Variants in IL6R observed in about 807,000 individuals in gnomAD.
The protein encoded by IL6R is interleukin-6 receptor subunit alpha.
IL6R carries 38 observed loss-of-function variants against 48.3 expected under a neutral mutation model. The observed-to-expected ratio is 0.79, with a 90% CI of 0.61 to 1.03. IL6R has a LOEUF of 1.03. Among genes scored for constraint, IL6R ranks in the 50% least tolerant of loss-of-function variants. The pLI is 0.00. For synonymous variants in IL6R, 264 were observed against 256.2 expected (o/e 1.03, Z -0.29); for missense variants, 534 against 618.3 (o/e 0.86, Z 1.45).
chr1:154,418,743 AG>A (rs953003816), intron 1 of IL6R, among the ~76,000 whole-genome samples: 5 of 152,210 alleles, frequency 3.3e-5, no homozygotes, highest in Middle Eastern at 3.4e-3. Flanking sequence ...TTGGAGTCCA[AG>A]GGGAGGCAGT....
Position 154,468,587 on chromosome 1 carries a change from AG to A in IL6R, c.*3209del, listed in dbSNP as rs1374926635. 2 of 152,188 alleles carry A rather than the reference AG, an allele frequency of 1.3e-5. No homozygotes were observed. Among genetic ancestry groups the A allele is most frequent in the African/African-American group, 4.8e-5 (2 of 41,440 alleles). 9.4% of individuals were successfully genotyped at this position (152,188 alleles called of 1,614,324 possible). ...GACTTGCCCTTACGCTTTCTTTATC[AG>A]GCTCTGAGTTCACACGGAGCCTCTG... On this transcript the variant is annotated 3_prime_UTR_variant, in exon 10 of 10. Coordinates refer to ENST00000368485, the MANE Select transcript of IL6R (RefSeq NM_000565.4).
intron 6 of IL6R, among the ~76,000 whole-genome samples, chr1:154,441,336 G>T (rs1223678765): frequency 6.6e-6 from 1 of 152,204 alleles, no homozygotes; most frequent in Non-Finnish European, 1.5e-5. Flanking sequence ...TCCAGCCTCA[G>T]GTGGATGTGC....
intron 1 of IL6R, among the ~76,000 whole-genome samples, chr1:154,413,352 C>A (rs1276362648): frequency 6.6e-6 from 1 of 152,224 alleles, no homozygotes; most frequent in Non-Finnish European, 1.5e-5. Context: ...CTCTTACGGC[C>A]CCTGCTGTGG....
At chr1:154,430,775 T>A (rs1000413125) in intron 3 of IL6R, among the ~76,000 whole-genome samples, 169 bp downstream of exon 3, 7 of 152,096 alleles carry the variant, frequency 4.6e-5, no homozygotes, top group Non-Finnish European at 1.0e-4. Context: ...CTGCCCCCCC[T>A]GAGCTAGGCA....
intron 6 of IL6R, among the ~76,000 whole-genome samples, chr1:154,444,676 T>C (rs140226242): frequency 2.0e-5 from 3 of 152,156 alleles, no homozygotes; most frequent in East Asian, 3.9e-4. Flanking sequence ...TGGGGGAGGA[T>C]TGCCTGAGCC....
intron 1 of IL6R, among the ~76,000 whole-genome samples, chr1:154,416,791 C>T (rs777838466): frequency 1.3e-5 from 2 of 152,096 alleles, no homozygotes; most frequent in Non-Finnish European, 2.9e-5. Context: ...AGTGACACAC[C>T]TACGAAAGAG....
intron 1 of IL6R, among the ~76,000 whole-genome samples, chr1:154,408,704 C>T (rs1235483944): frequency 1.3e-5 from 2 of 152,094 alleles, no homozygotes; most frequent in African/African-American, 2.4e-5. Flanking sequence ...TGAAAATATA[C>T]ACTCCCTTCC....
intron 6 of IL6R, among the ~76,000 whole-genome samples, chr1:154,445,635 A>T (rs1394939197): frequency 6.6e-6 from 1 of 152,026 alleles, no homozygotes. Context: ...CTGTAGTCCC[A>T]GCTACTCAGG....
At position 154,434,557 on chromosome 1, in the gene IL6R, A is replaced by C; in HGVS notation, c.497A>C (p.Gln166Pro). The change falls in exon 4 of 10, where the codon CAG (glutamine) becomes CCG (proline). Residue 166 changes from glutamine to proline, a missense_variant. By Grantham distance (76) the Gln-to-Pro change is moderately conservative. Transcript: ENST00000368485. ...GCCGAAGACTTCCAGGAGCCGTGCC[A>C]GTATTCCCAGGAGTCCCAGAAGTTC... The part of the protein sequence containing the change: ...SPAEDFQEPC[Q>P]YSQESQKFSC... The C allele has an allele frequency of 6.2e-7, 1 of 1,614,050 alleles. No individual in the cohort carries two copies. The highest frequency in any genetic ancestry group is 1.1e-5 in the South Asian group (1 of 91,076).
At position 154,435,978 on chromosome 1, in the gene IL6R, C is replaced by G. The variant is rs1484463661; in HGVS notation, c.817C>G (p.Leu273Val). The G allele has an allele frequency of 3.1e-6, 5 of 1,605,500 alleles. No homozygotes were observed. In the South Asian group the frequency reaches 5.5e-5, roughly 18 times the overall value. Residue 273 changes from leucine to valine, a missense_variant, in exon 6 of 10, where the codon CTC (leucine) becomes GTC (valine). Physicochemically the swap from Leu to Val is conservative, Grantham distance 32. Coordinates refer to ENST00000368485, the MANE Select transcript of IL6R (RefSeq NM_000565.4). ...KTFTTWMVKD[L>V]QHHCVIHDAW... ...GTGCCCCCGCCCTCAGGTCAAGGAC[C>G]TCCAGCATCACTGTGTCATCCACGA...
chr1:154,446,921 A>G (rs1362548071), intron 6 of IL6R, among the ~76,000 whole-genome samples: 1 of 152,210 alleles, frequency 6.6e-6, no homozygotes, highest in East Asian at 1.9e-4. Flanking sequence ...ATCAAAATAC[A>G]TAGAATTTTT....
intron 9 of IL6R, among the ~76,000 whole-genome samples, chr1:154,464,690 G>A (rs940319696): frequency 2.0e-5 from 3 of 152,020 alleles, no homozygotes; most frequent in Non-Finnish European, 4.4e-5. Context: ...CGGGTGTGCC[G>A]GCTCATACCT....
chr1:154,418,332 T>C (rs1344263040), intron 1 of IL6R: 13 of 760,574 alleles, frequency 1.7e-5, no homozygotes, highest in Non-Finnish European at 1.9e-5. Context: ...TGAGTCAGCA[T>C]TGAGCATTAC....
At chr1:154,420,826 G>A (rs1343348621) in intron 1 of IL6R, among the ~76,000 whole-genome samples, 1 of 152,078 alleles carries the variant, frequency 6.6e-6, no homozygotes, top group Non-Finnish European at 1.5e-5. Flanking sequence ...GTGAGCCACT[G>A]CACCCTACTG....
rs1402244716 is a variant in IL6R at position 154,436,074 on chromosome 1, G to A, written c.913G>A (p.Glu305Lys). The part of the protein sequence containing the change: ...QEEFGQGEWS[E>K]WSPEAMGTPW... ...GGAGTTCGGGCAAGGCGAGTGGAGCGAGTGGAGCCCGGAGGCCATGGGCAC... is the reference window on the plus strand; with the variant it reads ...GGAGTTCGGGCAAGGCGAGTGGAGCAAGTGGAGCCCGGAGGCCATGGGCAC... Residue 305 changes from glutamate to lysine, a missense_variant, in exon 6 of 10, where the codon GAG (glutamate) becomes AAG (lysine). Glu to Lys is a moderately conservative substitution (Grantham distance 56). Coordinates refer to ENST00000368485, the MANE Select transcript of IL6R (RefSeq NM_000565.4). The A allele has an allele frequency of 8.7e-6, 14 of 1,612,912 alleles. No individual in the cohort carries two copies. The highest frequency in any genetic ancestry group is 3.3e-5 in the Admixed American group (2 of 59,986).
chr1:154,426,948 C>T (rs1169828617), intron 1 of IL6R, among the ~76,000 whole-genome samples: 1 of 146,354 alleles, frequency 6.8e-6, no homozygotes, highest in South Asian at 2.1e-4. Context: ...GACGGAGCTT[C>T]GCTCTTTTTG....
intron 1 of IL6R, chr1:154,415,070 C>T: frequency 7.1e-7 from 1 of 1,400,796 alleles, no homozygotes; most frequent in Non-Finnish European, 9.9e-7. Context: ...GGCAGCCCAG[C>T]TCTTCCCTGC....
chr1:154,435,968 G>A lies in IL6R; in HGVS notation c.808-1G>A. On this transcript the variant is annotated splice_acceptor_variant, in intron 5 of 9. Coordinates refer to ENST00000368485, the MANE Select transcript of IL6R (RefSeq NM_000565.4). LOFTEE classifies it high-confidence loss of function. The stretch of plus-strand genomic sequence containing the variant: ...CAGAGTCACCGTGCCCCCGCCCTCA[G>A]GTCAAGGACCTCCAGCATCACTGTG... 1 of 1,601,166 alleles carries A rather than the reference G, an allele frequency of 6.2e-7. No homozygotes were observed. Among genetic ancestry groups the A allele is most frequent in the Non-Finnish European group, 8.5e-7 (1 of 1,170,482 alleles).
At chr1:154,414,774 C>T in intron 1 of IL6R, 1 of 764,764 alleles carries the variant, frequency 1.3e-6, no homozygotes, top group Admixed American at 1.9e-5. Context: ...TGGCAGGCAG[C>T]CACTCCAGCT....
Sources: allele counts gnomAD v4.1 joint callset (sites outside exome capture counted in the v4.1 genomes callset), GRCh38; gene constraint gnomAD v4.1.1; transcripts MANE v1.5; gene names NCBI Gene and HGNC (gene_info 2026-07-23, HGNC 2026-07-21).